The following SDK1 variants were observed in gnomAD, a reference collection of about 807,000 sequenced individuals.
SDK1 encodes sidekick cell adhesion molecule 1.
SDK1 carries 157 observed loss-of-function variants against 245.5 expected under a neutral mutation model. The ratio of observed to expected loss-of-function variants is 0.64; its 90% CI spans 0.56 to 0.73. The LOEUF is 0.73. Among genes scored for constraint, SDK1 ranks in the 30% least tolerant of loss-of-function variants. SDK1 has a pLI of 0.00. For synonymous variants in SDK1, 1,647 were observed against 1,278.5 expected (o/e 1.29, Z -6.15); for missense variants, 3,583 against 3,002.3 (o/e 1.19, Z -4.52).
intron 5 of SDK1, among the ~76,000 whole-genome samples, chr7:3,930,181 C>T (rs557958708): frequency 1.3e-5 from 2 of 152,208 alleles, no homozygotes; most frequent in African/African-American, 4.8e-5. Context: ...CCTTTATAAC[C>T]AGCTCCTAGG....
At chr7:4,108,867 G>T (rs1490032428) in intron 22 of SDK1, among the ~76,000 whole-genome samples, 1 of 152,068 alleles carries the variant, frequency 6.6e-6, no homozygotes, top group African/African-American at 2.4e-5. Flanking sequence ...CCACCAACCT[G>T]CGTTCTGTCT....
intron 1 of SDK1, among the ~76,000 whole-genome samples, chr7:3,538,191 G>A (rs967747535): frequency 1.3e-5 from 2 of 152,110 alleles, no homozygotes; most frequent in Non-Finnish European, 2.9e-5. Context: ...TTTTGTGTTG[G>A]CAATTACATT....
chr7:3,568,142 A>G (rs1224203809), intron 1 of SDK1, among the ~76,000 whole-genome samples: 4 of 152,218 alleles, frequency 2.6e-5, no homozygotes, highest in African/African-American at 9.6e-5. Context: ...TTGAACAATG[A>G]TCATTAAGAG....
intron 4 of SDK1, among the ~76,000 whole-genome samples, chr7:3,764,873 G>A (rs980302872): frequency 1.3e-5 from 2 of 151,726 alleles, no homozygotes; most frequent in African/African-American, 4.8e-5. Flanking sequence ...AACATTAAAG[G>A]CATTTTTAAA....
At chr7:4,230,386 A>AAGGGAAGGGAGGGCAGGGG (rs1785681702) in intron 40 of SDK1, among the ~76,000 whole-genome samples, 2 of 131,336 alleles carry the variant, frequency 1.5e-5, no homozygotes, top group Non-Finnish European at 3.2e-5. Context: ...GGCTAGAGGG[A>AAGGGAAGGGAGGGCAGGGG]AGGGAAGGGA....
intron 9 of SDK1, among the ~76,000 whole-genome samples, chr7:3,965,324 C>G (rs1457921350): frequency 6.6e-6 from 1 of 152,146 alleles, no homozygotes; most frequent in Non-Finnish European, 1.5e-5. Context: ...TCAGTTTTCT[C>G]ATCCATTAAA....
chr7:3,639,480 T>C (rs889841982), intron 3 of SDK1, among the ~76,000 whole-genome samples: 2 of 152,224 alleles, frequency 1.3e-5, no homozygotes, highest in Non-Finnish European at 2.9e-5. Context: ...AGTTCGTCAT[T>C]GTCAGTTCTT....
chr7:3,806,390 A>C (rs980148400), intron 4 of SDK1, among the ~76,000 whole-genome samples: 1 of 150,932 alleles, frequency 6.6e-6, no homozygotes, highest in African/African-American at 2.5e-5. Context: ...TAGGACGTGG[A>C]TGTCCTTGGG....
chr7:3,932,574 C>T (rs1332107753), intron 5 of SDK1, among the ~76,000 whole-genome samples: 2 of 152,198 alleles, frequency 1.3e-5, no homozygotes, highest in Non-Finnish European at 2.9e-5. Context: ...ATATTTTCTT[C>T]TCTGAAGACT....
At chr7:3,850,283 T>C (rs957668742) in intron 5 of SDK1, among the ~76,000 whole-genome samples, 9 of 152,226 alleles carry the variant, frequency 5.9e-5, no homozygotes, top group Non-Finnish European at 1.2e-4. Context: ...ATGTATCTCA[T>C]GAGAACATTT....
chr7:3,386,635 C>T (rs1231878574), intron 1 of SDK1, among the ~76,000 whole-genome samples: 5 of 152,174 alleles, frequency 3.3e-5, no homozygotes, highest in African/African-American at 9.7e-5. Context: ...CACCTGTTCA[C>T]CATTTACAGG....
At chr7:3,867,432 G>A (rs1022959000) in intron 5 of SDK1, among the ~76,000 whole-genome samples, 10 of 152,182 alleles carry the variant, frequency 6.6e-5, no homozygotes, top group African/African-American at 1.9e-4. Context: ...AGACATACCC[G>A]AGACTGGGAA....
rs28701564 is a variant in SDK1 at position 4,025,917 on chromosome 7, G to A, written c.2602+8565G>A. Among the ~76,000 whole-genome samples, 1,084 of 152,228 alleles carry A rather than the reference G, an allele frequency of 7.1e-3. 15 individuals are homozygous for A. The highest frequency in any genetic ancestry group is 0.025 in the African/African-American group (1,028 of 41,526). On this transcript the variant is annotated intron_variant, in intron 17 of 44. Transcript: ENST00000404826. The stretch of plus-strand genomic sequence containing the variant: ...CCAACAGCAACCCTTCCTGGGTGCC[G>A]CCCACACTGAGCCTGGCTTTGCTCA...
chr7:3,730,584 G>T (rs1409608748), intron 4 of SDK1, among the ~76,000 whole-genome samples: 2 of 152,164 alleles, frequency 1.3e-5, no homozygotes, highest in Non-Finnish European at 2.9e-5. Flanking sequence ...CTGGCAGCAG[G>T]ACTGAGAGGA....
intron 1 of SDK1, among the ~76,000 whole-genome samples, chr7:3,427,825 C>G (rs1438629175): frequency 6.7e-6 from 1 of 148,642 alleles, no homozygotes; most frequent in Admixed American, 6.6e-5. Flanking sequence ...GGCTGCACAT[C>G]ATTGTCTCTT....
chr7:3,953,956 C>T (rs1198128313), intron 7 of SDK1, among the ~76,000 whole-genome samples: 9 of 152,264 alleles, frequency 5.9e-5, no homozygotes, highest in African/African-American at 1.7e-4. Flanking sequence ...TATAATCCCA[C>T]GCCCTGTGGC....
At chr7:3,440,457 C>T (rs1165725825) in intron 1 of SDK1, among the ~76,000 whole-genome samples, 3 of 141,648 alleles carry the variant, frequency 2.1e-5, no homozygotes, top group Non-Finnish European at 3.2e-5. Context: ...CATGTGTGAC[C>T]ATTAGACTCA....
At chr7:3,901,996 CT>C (rs1781806267) in intron 5 of SDK1, among the ~76,000 whole-genome samples, 1 of 152,180 alleles carries the variant, frequency 6.6e-6, no homozygotes, top group South Asian at 2.1e-4. Flanking sequence ...TTGAGTGTGT[CT>C]CACTTTCTAG....
intron 8 of SDK1, among the ~76,000 whole-genome samples, chr7:3,959,538 C>T (rs746291573): frequency 6.6e-6 from 1 of 152,166 alleles, no homozygotes; most frequent in East Asian, 1.9e-4. Flanking sequence ...GAGTGATGTA[C>T]CCTGTACCCG....
Sources: gnomAD v4.1 joint callset for allele counts (sites outside exome capture counted in the v4.1 genomes callset) on GRCh38, gnomAD v4.1.1 for gene constraint, MANE v1.5 for transcripts, NCBI Gene and HGNC (gene_info 2026-07-23, HGNC 2026-07-21) for gene names.